Variants in ANO3 observed in about 807,000 individuals in gnomAD.
The protein encoded by ANO3 is anoctamin-3.
ANO3 carries 99 observed loss-of-function variants against 144.8 expected under a neutral mutation model. The ratio of observed to expected loss-of-function variants is 0.68; its 90% CI spans 0.58 to 0.81. The LOEUF is 0.81. Ranked by LOEUF, ANO3 falls within the 30% of genes least tolerant of loss-of-function variation. The pLI is 0.00. For missense variants in ANO3, 905 were observed against 1,202.2 expected (o/e 0.75, Z 3.66); for synonymous variants, 414 against 392.6 (o/e 1.05, Z -0.64).
At chr11:26,585,277 T>G (rs376415456) in intron 14 of ANO3, among the ~76,000 whole-genome samples, 270 of 152,298 alleles carry the variant, frequency 1.8e-3, no homozygotes, top group Non-Finnish European at 3.2e-3. Flanking sequence ...GAGAGAGAGA[T>G]ATATCATATA....
Position 26,316,085 on chromosome 11 carries a change from A to G in ANO3, c.-3+6366A>G, listed in dbSNP as rs114987237. On this transcript the variant is annotated intron_variant, in intron 1 of 26. Coordinates refer to the ANO3 transcript ENST00000525139. ...ATGAGGTATGTGTTTGTGGCTGCAT[A>G]TTTACCCTAGATGTGGTCTGCATAG... 4.0e-3 allele frequency among the ~76,000 whole-genome samples: 605 copies of G among 152,256 alleles called. 3 individuals are homozygous for G. Among genetic ancestry groups the G allele is most frequent in the African/African-American group, 0.014 (564 of 41,560 alleles).
At chr11:26,354,992 A>T (rs1245573390) in intron 1 of ANO3, among the ~76,000 whole-genome samples, 2 of 142,230 alleles carry the variant, frequency 1.4e-5, no homozygotes, top group Non-Finnish European at 3.0e-5. Flanking sequence ...CTTGTACTCA[A>T]GCTCATGAAA....
chr11:26,455,914 A>G (rs1859137776), intron 3 of ANO3, among the ~76,000 whole-genome samples: 1 of 151,934 alleles, frequency 6.6e-6, no homozygotes, highest in Non-Finnish European at 1.5e-5. Flanking sequence ...CTCAGAAATA[A>G]TGCCATATAT....
chr11:26,446,884 T>G (rs1481578430), intron 3 of ANO3, among the ~76,000 whole-genome samples: 1 of 152,072 alleles, frequency 6.6e-6, no homozygotes, highest in Non-Finnish European at 1.5e-5. Flanking sequence ...CCCAGAGAGA[T>G]CTACAATAAA....
At chr11:26,235,960 T>C (rs1227269288) in intron 1 of ANO3, among the ~76,000 whole-genome samples, 1 of 152,116 alleles carries the variant, frequency 6.6e-6, no homozygotes, top group African/African-American at 2.4e-5. Flanking sequence ...TAGTTAATAC[T>C]TCTTATGTTT....
intron 1 of ANO3, among the ~76,000 whole-genome samples, chr11:26,190,336 T>C (rs1851451278): frequency 6.6e-6 from 1 of 152,140 alleles, no homozygotes; most frequent in Admixed American, 6.5e-5. Context: ...TATGAGTTGT[T>C]TTACAGTATA....
chr11:26,657,306 C>G (rs1191623365), intron 26 of ANO3, among the ~76,000 whole-genome samples: 2 of 152,052 alleles, frequency 1.3e-5, no homozygotes, highest in African/African-American at 2.4e-5. Context: ...GAAATGCTTA[C>G]CCCTAAGGGT....
chr11:26,401,983 T>G (rs1003885383), intron 1 of ANO3, among the ~76,000 whole-genome samples: 2 of 152,096 alleles, frequency 1.3e-5, no homozygotes, highest in Non-Finnish European at 1.5e-5. Flanking sequence ...ATCTCATTCT[T>G]TTTATGGTTA....
At chr11:26,637,958 A>G (rs1246983452) in intron 20 of ANO3, among the ~76,000 whole-genome samples, 1 of 152,054 alleles carries the variant, frequency 6.6e-6, no homozygotes, top group African/African-American at 2.4e-5. Context: ...AGTAAAACAC[A>G]TCGGTTGTGA....
intron 1 of ANO3, among the ~76,000 whole-genome samples, chr11:26,401,560 G>C (rs1244686310): frequency 6.6e-6 from 1 of 151,946 alleles, no homozygotes; most frequent in Non-Finnish European, 1.5e-5. Flanking sequence ...TAAACATATA[G>C]GTGTGGCTGC....
At chr11:26,477,577 C>T (rs1451949451) in intron 4 of ANO3, among the ~76,000 whole-genome samples, 2 of 152,152 alleles carry the variant, frequency 1.3e-5, no homozygotes, top group East Asian at 1.9e-4. Flanking sequence ...GTCCTCTTAT[C>T]TGTCTCCTTA....
intron 1 of ANO3, among the ~76,000 whole-genome samples, chr11:26,400,988 T>C (rs936519777): frequency 6.6e-6 from 1 of 152,004 alleles, no homozygotes; most frequent in Non-Finnish European, 1.5e-5. Flanking sequence ...CTGGGTAAGC[T>C]TGCTATTCTC....
At chr11:26,599,058 A>G in intron 16 of ANO3, 60 bp downstream of exon 16, 7 of 1,542,936 alleles carry the variant, frequency 4.5e-6, no homozygotes, top group East Asian at 2.2e-5. Flanking sequence ...AGTAAGTTCA[A>G]TGATACCAAC....
At chr11:26,241,971 A>G (rs544471839) in intron 1 of ANO3, among the ~76,000 whole-genome samples, 1 of 152,342 alleles carries the variant, frequency 6.6e-6, no homozygotes, top group Non-Finnish European at 1.5e-5. Context: ...TGCAAAATAG[A>G]GAGCTTTCAA....
chr11:26,572,273 C>A lies in ANO3; in HGVS notation c.1447+12494C>A, dbSNP rs985344577. The A allele has an allele frequency of 2.5e-5, 25 of 980,934 alleles. No homozygotes were observed. In the Admixed American group the frequency reaches 8.0e-4, roughly 31 times the overall value. 60.8% of individuals were successfully genotyped at this position (980,934 alleles called of 1,614,324 possible). ...CTCAGCTGTAAGCATTAAGATATCA[C>A]CTCATTCAGGCCTTTAACAACAACA... On this transcript the variant is annotated intron_variant, in intron 14 of 26. Transcript: ENST00000256737.
At chr11:26,301,561 A>G (rs1854232928) in intron 1 of ANO3, among the ~76,000 whole-genome samples, 1 of 152,178 alleles carries the variant, frequency 6.6e-6, no homozygotes, top group African/African-American at 2.4e-5. Flanking sequence ...TAAAAGTAGA[A>G]TGGAAGATCT....
chr11:26,213,465 G>C (rs1048368121), intron 1 of ANO3, among the ~76,000 whole-genome samples: 1 of 152,100 alleles, frequency 6.6e-6, no homozygotes, highest in Non-Finnish European at 1.5e-5. Flanking sequence ...AAAAGCAAAA[G>C]CATTCTTATA....
chr11:26,198,624 G>C (rs1471681858), intron 1 of ANO3, among the ~76,000 whole-genome samples: 2 of 152,108 alleles, frequency 1.3e-5, no homozygotes, highest in African/African-American at 4.8e-5. Flanking sequence ...ATTCATTCGT[G>C]TGTTTGTCAG....
rs193024438 is a variant in ANO3, at chr11:26,212,567, T to C, written c.154+23237T>C. 1.3e-4 allele frequency among the ~76,000 whole-genome samples: 19 copies of C among 151,854 alleles called. 1 individual carries two copies. Among genetic ancestry groups the C allele is most frequent in the African/African-American group, 4.6e-4 (19 of 41,412 alleles). ...GATAAATTTCTGGACACATACACCCTCCCAAGACTAAACCAGGAAGAAGCT... is the reference window on the plus strand; with the variant it reads ...GATAAATTTCTGGACACATACACCCCCCCAAGACTAAACCAGGAAGAAGCT... On this transcript the variant is annotated intron_variant, in intron 1 of 27. Coordinates refer to the ANO3 transcript ENST00000672621.
Sources: gnomAD v4.1 joint callset for allele counts (sites outside exome capture counted in the v4.1 genomes callset) on GRCh38, gnomAD v4.1.1 for gene constraint, MANE v1.5 for transcripts, NCBI Gene and HGNC (gene_info 2026-07-23, HGNC 2026-07-21) for gene names.